Variants in GLI3 observed in about 807,000 individuals in gnomAD.
The protein encoded by GLI3 is GLI family zinc finger 3.
In GLI3, 20 loss-of-function variants were observed where a neutral mutation model predicts 100.8. The ratio of observed to expected loss-of-function variants is 0.20; its 90% CI spans 0.14 to 0.29. The LOEUF is 0.29. Among genes scored for constraint, GLI3 ranks in the 10% least tolerant of loss-of-function variants. GLI3 has a pLI of 1.00. For synonymous variants in GLI3, 938 were observed against 860.5 expected (o/e 1.09, Z -1.58); for missense variants, 2,040 against 2,128.5 (o/e 0.96, Z 0.82).
intron 2 of GLI3, among the ~76,000 whole-genome samples, chr7:42,198,443 T>G (rs1787973833): frequency 6.6e-6 from 1 of 152,100 alleles, no homozygotes; most frequent in Non-Finnish European, 1.5e-5. Flanking sequence ...ACTCCACTGC[T>G]TGCCTGAGGA....
At chr7:42,139,853 T>C (rs552777450) in intron 3 of GLI3, among the ~76,000 whole-genome samples, 2 of 152,248 alleles carry the variant, frequency 1.3e-5, no homozygotes, top group East Asian at 3.9e-4. Context: ...ATGGAGAAAT[T>C]CTGGGTAAGT....
At chr7:42,198,124 T>G (rs1787967685) in intron 2 of GLI3, among the ~76,000 whole-genome samples, 2 of 152,132 alleles carry the variant, frequency 1.3e-5, no homozygotes, top group Admixed American at 1.3e-4. Context: ...CCACAAATAT[T>G]TATTGAGCCC....
At chr7:42,218,825 A>G (rs1423356197) in intron 2 of GLI3, among the ~76,000 whole-genome samples, 1 of 152,214 alleles carries the variant, frequency 6.6e-6, no homozygotes, top group Non-Finnish European at 1.5e-5. Flanking sequence ...CACAGCCTAC[A>G]TACGTTTATC....
intron 10 of GLI3, among the ~76,000 whole-genome samples, chr7:41,996,732 G>A (rs1788135711): frequency 6.6e-6 from 1 of 152,142 alleles, no homozygotes; most frequent in Non-Finnish European, 1.5e-5. Context: ...ATACAAGGAA[G>A]GTAAATGCAG....
Position 41,972,433 on chromosome 7 carries a change from A to C in GLI3, c.2007T>G (p.Thr669=), listed in dbSNP as rs1183185875. The C allele has an allele frequency of 1.9e-6, 3 of 1,611,978 alleles. No individual in the cohort carries two copies. The highest frequency in any genetic ancestry group is 2.5e-6 in the Non-Finnish European group (3 of 1,179,806). Residue 669 remains threonine (T), a synonymous_variant, in exon 13 of 15, where the codon ACT becomes ACG. Transcript: ENST00000395925. The surrounding 1 kb of genome is among the most constrained non-coding windows in gnomAD (Gnocchi z 4.4). The stretch of plus-strand genomic sequence containing the variant: ...CCTGCTGCTCACCAAGGGCTCCCTG[A>C]GTCGGTCGGCCAGGCGACCTGGACT... ...HSQSRSPGRP[T]QGALGEQQDL...
At position 42,074,417 on chromosome 7, in the gene GLI3, G is replaced by A. The variant is rs1057252300; in HGVS notation, c.473+2335C>T. On this transcript the variant is annotated intron_variant, in intron 4 of 14. Coordinates refer to ENST00000395925, the MANE Select transcript of GLI3 (RefSeq NM_000168.6). ...TACAAAGTGCCTGACCAAGTGCTGG[G>A]CACTGCCCCTGAAACTAGAAGGGAG... Among the ~76,000 whole-genome samples, 4 of 152,214 alleles carry A rather than the reference G, an allele frequency of 2.6e-5. No individual in the cohort carries two copies. In the East Asian group the frequency reaches 7.7e-4, roughly 29 times the overall value.
intron 1 of GLI3, among the ~76,000 whole-genome samples, chr7:42,246,961 T>C (rs1788982941): frequency 1.3e-5 from 2 of 152,048 alleles, no homozygotes; most frequent in African/African-American, 4.8e-5. Context: ...GGCAAGGCAG[T>C]CTGTAATCAC....
intron 10 of GLI3, among the ~76,000 whole-genome samples, chr7:41,982,556 T>A (rs983083509): frequency 8.6e-5 from 13 of 151,086 alleles, no homozygotes; most frequent in Non-Finnish European, 1.5e-4. Context: ...AAAAAAAAAA[T>A]CAGGGTGTGG....
chr7:42,247,327 G>C (rs2128709898), intron 1 of GLI3, among the ~76,000 whole-genome samples: 1 of 152,268 alleles, frequency 6.6e-6, no homozygotes, highest in Non-Finnish European at 1.5e-5. Context: ...GTATGGGCCG[G>C]AGGCTGGTTG....
intron 3 of GLI3, among the ~76,000 whole-genome samples, chr7:42,090,829 C>T (rs846309): frequency 0.26 from 40,129 of 152,208 alleles, 5,684 homozygotes; most frequent in Admixed American, 0.37. Flanking sequence ...GCCCTAAACA[C>T]TCTTCATATA....
intron 10 of GLI3, among the ~76,000 whole-genome samples, chr7:42,021,673 G>T (rs1489718603): frequency 6.6e-6 from 1 of 152,092 alleles, no homozygotes; most frequent in Non-Finnish European, 1.5e-5. Flanking sequence ...TCCTGATTTG[G>T]TAATGACTGA....
At chr7:42,145,636 AC>A (rs922279258) in intron 3 of GLI3, 4 of 397,848 alleles carry the variant, frequency 1.0e-5, no homozygotes, top group African/African-American at 6.2e-5. Context: ...AAAAAAAAAA[AC>A]AGTCTACACT....
At chr7:41,996,890 T>G (rs1788141042) in intron 10 of GLI3, among the ~76,000 whole-genome samples, 1 of 152,218 alleles carries the variant, frequency 6.6e-6, no homozygotes, top group Non-Finnish European at 1.5e-5. Context: ...TGATTTGATT[T>G]GATGCATCTG....
At chr7:42,035,877 G>A (rs549152674) in intron 7 of GLI3, among the ~76,000 whole-genome samples, 11 of 152,244 alleles carry the variant, frequency 7.2e-5, no homozygotes, top group African/African-American at 2.6e-4. Context: ...TCTTAGATGG[G>A]GAGTCTTCCA....
chr7:42,075,296 CTTAAA>C (rs1784856768), intron 4 of GLI3, among the ~76,000 whole-genome samples: 3 of 152,148 alleles, frequency 2.0e-5, no homozygotes, highest in Admixed American at 6.5e-5. Flanking sequence ...GAAAATCTGA[CTTAAA>C]TTAAGTACAT....
At chr7:42,225,229 T>C (rs192674657) in intron 1 of GLI3, among the ~76,000 whole-genome samples, 131 of 152,380 alleles carry the variant, frequency 8.6e-4, no homozygotes, top group African/African-American at 2.9e-3. Flanking sequence ...GTTTCTACAG[T>C]GCTTGCTAAG....
rs188847347 is a variant in GLI3 at position 42,213,089 on chromosome 7, T to C, written c.124+10041A>G. 4.5e-3 allele frequency among the ~76,000 whole-genome samples: 684 copies of C among 152,360 alleles called. 3 individuals carry two copies. The highest frequency in any genetic ancestry group is 0.016 in the African/African-American group (645 of 41,598). On this transcript the variant is annotated intron_variant, in intron 2 of 14. Coordinates refer to ENST00000395925, the MANE Select transcript of GLI3 (RefSeq NM_000168.6). ...GGGCTGGCCCCAAATCCCGTCACCA[T>C]GTGGGGAGGGAAAGAATCTGTGGAT...
chr7:42,235,074 T>C (rs914173871), intron 1 of GLI3, among the ~76,000 whole-genome samples: 6 of 152,208 alleles, frequency 3.9e-5, no homozygotes, highest in Non-Finnish European at 8.8e-5. Flanking sequence ...ACTGAAATAC[T>C]GTTCTGCTTT....
intron 2 of GLI3, among the ~76,000 whole-genome samples, chr7:42,207,943 A>C (rs1047292791): frequency 1.3e-5 from 2 of 152,210 alleles, no homozygotes; most frequent in African/African-American, 4.8e-5. Flanking sequence ...AGAACACCCA[A>C]AGTCAGGAGT....
Sources: gnomAD v4.1 joint callset for allele counts (sites outside exome capture counted in the v4.1 genomes callset) on GRCh38, gnomAD v4.1.1 for gene constraint, Gnocchi (gnomAD v3.1) non-coding constraint, MANE v1.5 for transcripts, NCBI Gene and HGNC (gene_info 2026-07-23, HGNC 2026-07-21) for gene names.